Variants in ITIH2 observed in about 807,000 individuals in gnomAD.
ITIH2 encodes the protein inter-alpha-trypsin inhibitor heavy chain H2.
A neutral mutation model predicts 104.4 loss-of-function variants in ITIH2; 103 were observed. That is an observed-to-expected ratio of 0.99 (90% confidence interval 0.84 to 1.16). The LOEUF is 1.16. Ranked by LOEUF, ITIH2 falls within the 50% of genes most tolerant of loss-of-function variation. ITIH2 has a pLI of 0.00. For missense variants in ITIH2, 1,108 were observed against 1,162.4 expected, an observed-to-expected ratio of 0.95 and a Z score of 0.68; for synonymous variants, 436 against 435.4, an observed-to-expected ratio of 1.00 and a Z score of -0.02.
At chr10:7,718,890 G>A (rs978632390) in intron 6 of ITIH2, among the ~76,000 whole-genome samples, 15 of 152,100 alleles carry the variant, frequency 9.9e-5, no homozygotes, top group African/African-American at 3.4e-4. Flanking sequence ...GCAGTGCCTC[G>A]GTCATCCACT....
At chr10:7,743,115 T>G in intron 16 of ITIH2, 31 bp from the exon 17 acceptor site, 1 of 1,009,128 alleles carries the variant, frequency 9.9e-7, no homozygotes, top group Non-Finnish European at 1.5e-6. Flanking sequence ...TTTTAATGAT[T>G]TTGTTTACGT....
chr10:7,740,259 AATT>A, intron 16 of ITIH2, among the ~76,000 whole-genome samples: 1 of 152,286 alleles, frequency 6.6e-6, no homozygotes. Context: ...TTATCTCTAA[AATT>A]ATTATTTTGG....
chr10:7,730,972 G>T (rs1475519381), intron 12 of ITIH2, among the ~76,000 whole-genome samples: 2 of 152,162 alleles, frequency 1.3e-5, no homozygotes, highest in Non-Finnish European at 2.9e-5. Flanking sequence ...GTTCAGGAGT[G>T]CAGTGCTGCG....
intron 13 of ITIH2, 81 bp downstream of exon 13, chr10:7,732,077 TG>T: frequency 8.8e-7 from 1 of 1,135,940 alleles, no homozygotes; most frequent in East Asian, 2.4e-5. Flanking sequence ...TCTGCCTGCC[TG>T]GAATCATGGG....
chr10:7,740,147 C>T (rs1043961598), intron 16 of ITIH2, among the ~76,000 whole-genome samples: 4 of 152,168 alleles, frequency 2.6e-5, no homozygotes, highest in Non-Finnish European at 5.9e-5. Flanking sequence ...GATCATGCCA[C>T]TGCACTCCAG....
chr10:7,706,115 G>T (rs1834745174), intron 2 of ITIH2, among the ~76,000 whole-genome samples: 3 of 152,064 alleles, frequency 2.0e-5, no homozygotes, highest in South Asian at 4.2e-4. Context: ...GAAAATCCAG[G>T]ATTTTTTTTT....
intron 4 of ITIH2, among the ~76,000 whole-genome samples, chr10:7,711,263 A>T (rs2130938909): frequency 6.6e-6 from 1 of 152,346 alleles, no homozygotes; most frequent in East Asian, 1.9e-4. Flanking sequence ...TGCAAAGGAC[A>T]TGATCTTATT....
At chr10:7,717,825 C>A in intron 6 of ITIH2, 37 bp downstream of exon 6, 1 of 1,581,340 alleles carries the variant, frequency 6.3e-7, no homozygotes, top group East Asian at 2.3e-5. Flanking sequence ...GTGACACTGT[C>A]CTTTTATAGT....
rs148234947 is a variant in ITIH2 at position 7,703,329 on chromosome 10, G to A, written c.-106G>A. The A allele has an allele frequency of 1.3e-4, 91 of 713,344 alleles. 1 individual carries two copies. In the African/African-American group the frequency reaches 1.4e-3, roughly 11 times the overall value. 44.2% of individuals were successfully genotyped at this position (713,344 alleles called of 1,614,324 possible). ...TTCTTCTTTTTTCTTCTTTCTTAAA[G>A]CGAACTGTACTCCTCTGCTGTTCCT... On this transcript the variant is annotated 5_prime_UTR_variant, in exon 1 of 21. Transcript: ENST00000358415.
At chr10:7,721,114 C>T (rs951762382) in intron 7 of ITIH2, 151 bp downstream of exon 7, 26 of 602,442 alleles carry the variant, frequency 4.3e-5, no homozygotes, top group Non-Finnish European at 7.2e-5. Flanking sequence ...CTAGGGCCTC[C>T]CCAGGATACA....
chr10:7,734,783 C>G (rs1296072132), intron 14 of ITIH2, 139 bp from the exon 15 acceptor site: 4 of 643,650 alleles, frequency 6.2e-6, no homozygotes, highest in Non-Finnish European at 1.1e-5. Flanking sequence ...CCAGTGAGTT[C>G]TGTTTCCCAG....
intron 18 of ITIH2, 97 bp downstream of exon 18, chr10:7,744,377 C>A: frequency 9.4e-7 from 1 of 1,063,132 alleles, no homozygotes; most frequent in Non-Finnish European, 1.4e-6. Context: ...AAAAAATCAT[C>A]ATTTTAAATA....
intron 12 of ITIH2, among the ~76,000 whole-genome samples, chr10:7,731,319 A>G (rs79432761): frequency 0.056 from 8,549 of 152,298 alleles, 270 homozygotes; most frequent in Middle Eastern, 0.14. Context: ...AATGTTCTCA[A>G]CAAGTCTTTG....
In ITIH2 at chr10:7,726,959, G is replaced by A; in HGVS notation, c.994G>A (p.Ala332Thr). The stretch of plus-strand genomic sequence containing the variant: ...TTCTCTATTGAAATAGACTGTGGAA[G>A]CAATGAAGACCATATTGGATGACCT... ...WGVKMKQTVE[A>T]MKTILDDLRA... The change falls in exon 10 of 21, where the codon GCA (alanine) becomes ACA (threonine). Residue 332 changes from alanine to threonine, a missense_variant. Coordinates refer to ENST00000358415, the MANE Select transcript of ITIH2 (RefSeq NM_002216.3). 1 of 1,609,098 alleles carries A rather than the reference G, an allele frequency of 6.2e-7. No homozygotes were observed. The highest frequency in any genetic ancestry group is 1.3e-5 in the African/African-American group (1 of 74,906).
Position 7,744,917 on chromosome 10 carries a change from C to T in ITIH2, c.2535C>T (p.Tyr845=). The change falls in exon 19 of 21, where the codon TAC becomes TAT. Residue 845 remains tyrosine, a synonymous_variant. Coordinates refer to ENST00000358415, the MANE Select transcript of ITIH2 (RefSeq NM_002216.3). ...HPVNVDFLGI[Y]IPPTNKFSPK... ...TCAATGTTGACTTTCTGGGAATCTA[C>T]ATACCCCCTACAAACAAGTTCTCAC... is the stretch of plus-strand genomic sequence containing the variant. 2 of 1,614,132 alleles carry T rather than the reference C, an allele frequency of 1.2e-6. No individual in the cohort carries two copies. The highest frequency in any genetic ancestry group is 1.7e-6 in the Non-Finnish European group (2 of 1,179,962).
chr10:7,746,067 T>TAAAAAAAAA (rs1564308527), intron 19 of ITIH2, among the ~76,000 whole-genome samples: 3 of 51,090 alleles, frequency 5.9e-5, no homozygotes, highest in African/African-American at 2.7e-4. Context: ...AATCTTAAAT[T>TAAAAAAAAA]TAAAAAAAAA....
At chr10:7,714,252 A>G (rs377255825) in intron 5 of ITIH2, among the ~76,000 whole-genome samples, 186 of 146,008 alleles carry the variant, frequency 1.3e-3, no homozygotes, top group African/African-American at 4.7e-3. Flanking sequence ...GCTCACTGCA[A>G]GCTCCGCCCC....
chr10:7,725,463 T>C (rs1716446664), intron 9 of ITIH2, among the ~76,000 whole-genome samples: 1 of 152,214 alleles, frequency 6.6e-6, no homozygotes, highest in Non-Finnish European at 1.5e-5. Context: ...AGGTGGCTCA[T>C]GGAACACCTG....
Position 7,729,942 on chromosome 10 carries a change from C to T in ITIH2, c.1280-10C>T. ...TTCATTCCTTTCCTTTCGGACATCA[C>T]CAACTTTAGGCGAACTAAAACTGTC... On this transcript the variant is annotated splice_polypyrimidine_tract_variant and intron_variant, in intron 11 of 20. Coordinates refer to ENST00000358415, the MANE Select transcript of ITIH2 (RefSeq NM_002216.3). The T allele has an allele frequency of 6.4e-7, 1 of 1,573,878 alleles. No homozygotes were observed. Among genetic ancestry groups the T allele is most frequent in the African/African-American group, 1.4e-5 (1 of 73,358 alleles).
Sources: gnomAD v4.1 joint callset for allele counts (sites outside exome capture counted in the v4.1 genomes callset) on GRCh38, gnomAD v4.1.1 for gene constraint, MANE v1.5 for transcripts, NCBI Gene and HGNC (gene_info 2026-07-23, HGNC 2026-07-21) for gene names.